The following CCR5AS variants were observed in gnomAD, a reference collection of about 807,000 sequenced individuals.
CCR5AS encodes the protein CCR5 antisense RNA.
chr3:46,392,419 G>C (rs761338838), intron 2 of CCR5AS, among the ~76,000 whole-genome samples: 2 of 152,342 alleles, frequency 1.3e-5, no homozygotes, highest in Non-Finnish European at 1.5e-5. Flanking sequence ...AGCGTGGAAG[G>C]TTGCCCATAG....
intron 1 of CCR5AS, among the ~76,000 whole-genome samples, chr3:46,400,416 G>C (rs1701996891): frequency 6.6e-6 from 1 of 152,218 alleles, no homozygotes; most frequent in South Asian, 2.1e-4. Flanking sequence ...CAGACTACTG[G>C]ATCTCAGCTA....
intron 3 of CCR5AS, among the ~76,000 whole-genome samples, chr3:46,366,470 C>G (rs1306540517): frequency 6.6e-6 from 1 of 152,232 alleles, no homozygotes; most frequent in Non-Finnish European, 1.5e-5. Flanking sequence ...AAGAAATCCC[C>G]TAAATGCATA....
chr3:46,372,723 T>C (rs971508932), intron 2 of CCR5AS: 16 of 513,332 alleles, frequency 3.1e-5, no homozygotes, highest in Non-Finnish European at 4.8e-5. Flanking sequence ...GCAGCAAACC[T>C]TCCCTTCACT....
intron 2 of CCR5AS, among the ~76,000 whole-genome samples, chr3:46,391,472 T>C (rs1701913359): frequency 6.6e-6 from 1 of 152,178 alleles, no homozygotes; most frequent in Non-Finnish European, 1.5e-5. Context: ...AAAATGCATA[T>C]TGAGAATAAG....
intron 2 of CCR5AS, among the ~76,000 whole-genome samples, chr3:46,379,095 T>C (rs1041652160): frequency 6.6e-6 from 1 of 150,832 alleles, no homozygotes; most frequent in Admixed American, 6.6e-5. Context: ...TATGTATACA[T>C]GTGCCATGCT....
At chr3:46,377,988 A>G (rs1460168145) in intron 2 of CCR5AS, among the ~76,000 whole-genome samples, 1 of 152,218 alleles carries the variant, frequency 6.6e-6, no homozygotes, top group African/African-American at 2.4e-5. Flanking sequence ...GATTACAGGC[A>G]TGAGCCACTG....
At chr3:46,392,202 TAATC>T (rs1257882073) in intron 2 of CCR5AS, among the ~76,000 whole-genome samples, 1 of 152,198 alleles carries the variant, frequency 6.6e-6, no homozygotes, top group African/African-American at 2.4e-5. Context: ...ATGCCCTTCT[TAATC>T]AATATGGGAG....
intron 3 of CCR5AS, chr3:46,370,951 A>G (rs2106741194): frequency 6.6e-6 from 1 of 152,268 alleles, no homozygotes; most frequent in Middle Eastern, 3.4e-3. Flanking sequence ...TGGCCAGAAG[A>G]GCTGAGACAT....
At chr3:46,394,665 T>A (rs1701945183) in intron 1 of CCR5AS, among the ~76,000 whole-genome samples, 1 of 152,040 alleles carries the variant, frequency 6.6e-6, no homozygotes, top group South Asian at 2.1e-4. Flanking sequence ...GTATCTGGAA[T>A]GGGGTGGGGT....
chr3:46,368,283 T>C (rs1381826351), intron 3 of CCR5AS, among the ~76,000 whole-genome samples: 1 of 152,170 alleles, frequency 6.6e-6, no homozygotes, highest in Non-Finnish European at 1.5e-5. Flanking sequence ...GGTGTCCGAA[T>C]GTACTTAATA....
chr3:46,380,063 G>A (rs1162055082), intron 2 of CCR5AS, among the ~76,000 whole-genome samples: 1 of 152,136 alleles, frequency 6.6e-6, no homozygotes, highest in Non-Finnish European at 1.5e-5. Flanking sequence ...AGTTGAATTG[G>A]CACTTTCATA....
intron 2 of CCR5AS, among the ~76,000 whole-genome samples, chr3:46,376,447 G>T (rs1701758856): frequency 6.6e-6 from 1 of 152,136 alleles, no homozygotes; most frequent in Non-Finnish European, 1.5e-5. Context: ...CTAAGAGTAA[G>T]GTTGCTGGTT....
At chr3:46,373,160 G>C in intron 2 of CCR5AS, 8 of 1,614,004 alleles carry the variant, frequency 5.0e-6, no homozygotes, top group Non-Finnish European at 1.7e-6. Context: ...TCCCCTTCTG[G>C]GCTCACTATG....
intron 1 of CCR5AS, among the ~76,000 whole-genome samples, chr3:46,403,740 C>T (rs778738181): frequency 7.2e-5 from 11 of 152,112 alleles, no homozygotes; most frequent in Non-Finnish European, 1.6e-4. Flanking sequence ...ATGCCTCTGG[C>T]GAGGAAGACG....
intron 1 of CCR5AS, among the ~76,000 whole-genome samples, chr3:46,394,149 CTGAGGGCACAGT>C (rs775017386): frequency 6.6e-6 from 1 of 152,304 alleles, no homozygotes; most frequent in South Asian, 2.1e-4. Context: ...GTTGTCCCAG[CTGAGGGCACAGT>C]GCTGCTGGCA....
chr3:46,398,784 A>G (rs2106778228), intron 1 of CCR5AS, among the ~76,000 whole-genome samples: 1 of 152,100 alleles, frequency 6.6e-6, no homozygotes, highest in Admixed American at 6.5e-5. Context: ...CTAGGAATGC[A>G]TATTCACCCC....
At chr3:46,379,934 A>AG (rs1701802465) in intron 2 of CCR5AS, among the ~76,000 whole-genome samples, 5 of 151,656 alleles carry the variant, frequency 3.3e-5, no homozygotes, top group Admixed American at 2.6e-4. Flanking sequence ...ATAAATAAAT[A>AG]AATAGTAAAT....
At chr3:46,371,921 T>G (rs1459808230) in intron 2 of CCR5AS, among the ~76,000 whole-genome samples, 1 of 152,162 alleles carries the variant, frequency 6.6e-6, no homozygotes, top group African/African-American at 2.4e-5. Flanking sequence ...CTTTTAATTC[T>G]CTTTTCGAGG....
At chr3:46,395,670 T>C (rs1464143912) in intron 1 of CCR5AS, among the ~76,000 whole-genome samples, 1 of 152,184 alleles carries the variant, frequency 6.6e-6, no homozygotes, top group Non-Finnish European at 1.5e-5. Context: ...CAAAGTAATG[T>C]TCCCTCCTTC....
Sources: gnomAD v4.1 joint callset for allele counts (sites outside exome capture counted in the v4.1 genomes callset) on GRCh38, gnomAD v4.1.1 for gene constraint, MANE v1.5 for transcripts, NCBI Gene and HGNC (gene_info 2026-07-23, HGNC 2026-07-21) for gene names.